SMIM41: variants seen among roughly 807,000 people sequenced by gnomAD.
SMIM41 encodes the protein small integral membrane protein 41.
At chr12:52,105,797 T>G (rs1335673407) in intron 2 of SMIM41, among the ~76,000 whole-genome samples, 5 of 152,168 alleles carry the variant, frequency 3.3e-5, no homozygotes, top group Admixed American at 6.6e-5. Context: ...CACAACTTTT[T>G]GAGAGTTGGA....
At chr12:52,105,148 C>A (rs1261808441) in intron 2 of SMIM41, among the ~76,000 whole-genome samples, 2 of 152,238 alleles carry the variant, frequency 1.3e-5, no homozygotes, top group Non-Finnish European at 2.9e-5. Context: ...CAGGCCGATG[C>A]CCCTGCTCAC....
At chr12:52,098,760 G>A (rs374748755) in intron 2 of SMIM41, among the ~76,000 whole-genome samples, 29 of 149,682 alleles carry the variant, frequency 1.9e-4, no homozygotes, top group East Asian at 6.0e-4. Context: ...CTGCCTCTGC[G>A]ATATTGGGAG....
intron 2 of SMIM41, among the ~76,000 whole-genome samples, chr12:52,084,267 C>T (rs1939860050): frequency 6.6e-6 from 1 of 151,844 alleles, no homozygotes; most frequent in African/African-American, 2.4e-5. Context: ...GGGAGAATTG[C>T]TTGAATCCAG....
Position 52,093,032 on chromosome 12 carries a change from A to T in SMIM41, c.*195+9064A>T, listed in dbSNP as rs896892676. Among the ~76,000 whole-genome samples, 21 of 152,254 alleles carry T rather than the reference A, an allele frequency of 1.4e-4. 1 individual carries two copies. Among genetic ancestry groups the T allele is most frequent in the African/African-American group, 4.8e-4 (20 of 41,538 alleles). Reference sequence around the variant, plus strand: ...CCGTCTCTACTACAATACAAAAAAAATAAAGAAAAAATTAGATTGGTGTGG... The same window carrying T: ...CCGTCTCTACTACAATACAAAAAAATTAAAGAAAAAATTAGATTGGTGTGG... On this transcript the variant is annotated intron_variant, in intron 2 of 2. Coordinates refer to ENST00000546390, the MANE Select transcript of SMIM41 (RefSeq NM_001369216.1).
chr12:52,099,366 A>G (rs868808783), intron 2 of SMIM41, among the ~76,000 whole-genome samples: 9 of 152,066 alleles, frequency 5.9e-5, no homozygotes, highest in African/African-American at 2.2e-4. Context: ...CGATATTGGG[A>G]GTAATATCAT....
intron 2 of SMIM41, among the ~76,000 whole-genome samples, chr12:52,099,081 C>T (rs1303282024): frequency 2.0e-5 from 3 of 151,714 alleles, no homozygotes; most frequent in African/African-American, 7.3e-5. Flanking sequence ...GAGTAGTATC[C>T]TCTCTCCCTC....
At chr12:52,095,706 G>A (rs886594402) in intron 2 of SMIM41, among the ~76,000 whole-genome samples, 4 of 151,964 alleles carry the variant, frequency 2.6e-5, no homozygotes, top group East Asian at 1.9e-4. Context: ...CATTTTCTGC[G>A]GTATTGGGAG....
At position 52,081,560 on chromosome 12, in the gene SMIM41, C is replaced by T. The variant is rs1939819841; in HGVS notation, c.*120+1379C>T. On this transcript the variant is annotated intron_variant, in intron 1 of 2. Coordinates refer to ENST00000546390, the MANE Select transcript of SMIM41 (RefSeq NM_001369216.1). This position sits in a 1 kb window ranked among gnomAD's most constrained non-coding sequence, Gnocchi z 4.1. The stretch of plus-strand genomic sequence containing the variant: ...CTAGGAGGGAGGGTTGTCCAGGGCC[C>T]TGAGGCGTGTGTGTAGTGTGTCTGT... Among the ~76,000 whole-genome samples, 1 of 152,112 alleles carries T rather than the reference C, an allele frequency of 6.6e-6. No individual in the cohort carries two copies. The highest frequency in any genetic ancestry group is 6.5e-5 in the Admixed American group (1 of 15,288).
intron 2 of SMIM41, among the ~76,000 whole-genome samples, chr12:52,095,750 A>G (rs1940081303): frequency 6.6e-6 from 1 of 152,074 alleles, no homozygotes; most frequent in African/African-American, 2.4e-5. Flanking sequence ...AATATTAAGG[A>G]CAATATCACA....
chr12:52,088,204 A>G (rs1482435241), intron 2 of SMIM41, among the ~76,000 whole-genome samples: 1 of 152,214 alleles, frequency 6.6e-6, no homozygotes, highest in Non-Finnish European at 1.5e-5. Context: ...AGGTGCCTGC[A>G]GAGAGTGATT....
chr12:52,105,163 C>T (rs1940309016), intron 2 of SMIM41, among the ~76,000 whole-genome samples: 1 of 152,234 alleles, frequency 6.6e-6, no homozygotes, highest in African/African-American at 2.4e-5. Context: ...GCTCACTGTG[C>T]CCTTCCTTTT....
At chr12:52,092,846 A>C (rs980328418) in intron 2 of SMIM41, among the ~76,000 whole-genome samples, 1 of 152,220 alleles carries the variant, frequency 6.6e-6, no homozygotes, top group African/African-American at 2.4e-5. Flanking sequence ...TTTTTTAGTA[A>C]AGTAGTTTTT....
intron 2 of SMIM41, among the ~76,000 whole-genome samples, chr12:52,096,570 A>G (rs1940099249): frequency 6.6e-6 from 1 of 151,752 alleles, no homozygotes; most frequent in Non-Finnish European, 1.5e-5. Context: ...AAGTTTTTGG[A>G]TTATTAACAT....
At chr12:52,080,983 G>A (rs1054903016) in intron 1 of SMIM41, among the ~76,000 whole-genome samples, 12 of 152,198 alleles carry the variant, frequency 7.9e-5, no homozygotes, top group African/African-American at 2.9e-4. Flanking sequence ...GGGGGGCCTC[G>A]GGAGCGCTGC....
At chr12:52,102,008 C>T (rs561944922) in intron 2 of SMIM41, among the ~76,000 whole-genome samples, 20 of 152,290 alleles carry the variant, frequency 1.3e-4, no homozygotes, top group South Asian at 6.2e-4. Context: ...CAACTGCGCT[C>T]GGCCCATGCT....
intron 2 of SMIM41, among the ~76,000 whole-genome samples, chr12:52,098,510 T>TG (rs34282492): frequency 1.2e-3 from 172 of 147,230 alleles, no homozygotes; most frequent in Non-Finnish European, 1.9e-3. Context: ...AACAATATCG[T>TG]GGGGGGGGGG....
chr12:52,096,274 A>G (rs987838821), intron 2 of SMIM41, among the ~76,000 whole-genome samples: 7 of 152,090 alleles, frequency 4.6e-5, no homozygotes, highest in African/African-American at 1.7e-4. Flanking sequence ...GAATATTAGA[A>G]GCAATATCAC....
At chr12:52,101,460 G>C (rs1021521204) in intron 2 of SMIM41, among the ~76,000 whole-genome samples, 6 of 147,648 alleles carry the variant, frequency 4.1e-5, no homozygotes, top group African/African-American at 1.3e-4. Context: ...GGAAGGTGGA[G>C]AGTATAAAGG....
In SMIM41 at chr12:52,106,550, G is replaced by A. The variant is rs558790618; in HGVS notation, c.*196-829G>A. Among the ~76,000 whole-genome samples the A allele has an allele frequency of 3.0e-3, 452 of 152,220 alleles. 5 individuals are homozygous for A. Among genetic ancestry groups the A allele is most frequent in the African/African-American group, 0.01 (435 of 41,544 alleles). ...GTAGAGGCGGGGTTTCACCATGTTG[G>A]CCAGGATGGTCTTGATCTCATGACC... On this transcript the variant is annotated intron_variant, in intron 2 of 2. Coordinates refer to ENST00000546390, the MANE Select transcript of SMIM41 (RefSeq NM_001369216.1).
Sources: allele counts gnomAD v4.1 joint callset (sites outside exome capture counted in the v4.1 genomes callset), GRCh38; gene constraint gnomAD v4.1.1; non-coding constraint Gnocchi (gnomAD v3.1); transcripts MANE v1.5; gene names NCBI Gene and HGNC (gene_info 2026-07-23, HGNC 2026-07-21).